The following MACC1 variants were observed in gnomAD, a reference collection of about 807,000 sequenced individuals.
MACC1 encodes MET transcriptional regulator MACC1, also known as metastasis-associated in colon cancer protein 1.
In MACC1, 79 loss-of-function variants were observed where a neutral mutation model predicts 70.7. That is an observed-to-expected ratio of 1.12 (90% confidence interval 0.93 to 1.35). The LOEUF (loss-of-function observed/expected upper bound fraction) is 1.35. Ranked by LOEUF, MACC1 falls within the 40% of genes most tolerant of loss-of-function variation. The pLI is 0.00. For missense variants in MACC1, 1,106 were observed against 978.1 expected (o/e 1.13, Z -1.74); for synonymous variants, 361 against 347.2 (o/e 1.04, Z -0.44).
At chr7:20,199,157 C>A (rs1782798467) in intron 1 of MACC1, among the ~76,000 whole-genome samples, 1 of 152,202 alleles carries the variant, frequency 6.6e-6, no homozygotes, top group South Asian at 2.1e-4. Flanking sequence ...AGGAGAAAAG[C>A]AGCCAATGTT....
intron 5 of MACC1, among the ~76,000 whole-genome samples, chr7:20,157,438 G>A (rs1782070378): frequency 6.6e-6 from 1 of 151,766 alleles, no homozygotes; most frequent in African/African-American, 2.4e-5. Context: ...AGGCTGTAAT[G>A]CATTGTATAC....
chr7:20,203,853 T>C (rs941710946), intron 1 of MACC1, among the ~76,000 whole-genome samples: 7 of 152,138 alleles, frequency 4.6e-5, no homozygotes, highest in Non-Finnish European at 7.3e-5. Context: ...AAAATGATCA[T>C]TGTGGCTCTG....
At chr7:20,188,666 C>G (rs1235022111) in intron 1 of MACC1, among the ~76,000 whole-genome samples, 1 of 152,028 alleles carries the variant, frequency 6.6e-6, no homozygotes, top group Non-Finnish European at 1.5e-5. Context: ...TCTCTAACAC[C>G]TTCTATTAAT....
intron 2 of MACC1, among the ~76,000 whole-genome samples, chr7:20,169,758 G>A (rs989835618): frequency 6.6e-6 from 1 of 152,146 alleles, no homozygotes; most frequent in Non-Finnish European, 1.5e-5. Context: ...CTTATCATCT[G>A]TAAAGAACTA....
chr7:20,213,040 C>T (rs1178757211), intron 1 of MACC1, among the ~76,000 whole-genome samples: 1 of 152,132 alleles, frequency 6.6e-6, no homozygotes, highest in African/African-American at 2.4e-5. Flanking sequence ...CCACCTTGGT[C>T]GACTTGACAT....
intron 1 of MACC1, among the ~76,000 whole-genome samples, chr7:20,190,761 T>A (rs982086569): frequency 1.3e-5 from 2 of 152,250 alleles, no homozygotes; most frequent in Non-Finnish European, 2.9e-5. Context: ...CTGTGAACTG[T>A]TAATGACAGA....
chr7:20,145,808 T>G (rs187953265), intron 6 of MACC1, among the ~76,000 whole-genome samples: 31 of 152,336 alleles, frequency 2.0e-4, no homozygotes, highest in Admixed American at 5.2e-4. Flanking sequence ...TCAAGACTTA[T>G]GTACTTAATA....
chr7:20,165,532 T>G (rs1225341734), intron 2 of MACC1, among the ~76,000 whole-genome samples: 3 of 89,092 alleles, frequency 3.4e-5, no homozygotes, highest in East Asian at 8.7e-4. Context: ...AGAGGTGGTA[T>G]AGGGGAAAAA....
At chr7:20,186,717 A>G (rs1340538347) in intron 1 of MACC1, among the ~76,000 whole-genome samples, 1 of 152,146 alleles carries the variant, frequency 6.6e-6, no homozygotes, top group Non-Finnish European at 1.5e-5. Flanking sequence ...AATATAAATA[A>G]CACTTTTTGA....
chr7:20,148,149 G>T (rs913424854), intron 6 of MACC1, among the ~76,000 whole-genome samples: 1 of 150,628 alleles, frequency 6.6e-6, no homozygotes, highest in Non-Finnish European at 1.5e-5. Flanking sequence ...TTAGGCCCTT[G>T]CTTTCCCCTT....
chr7:20,151,805 A>T (rs552932511), intron 6 of MACC1, among the ~76,000 whole-genome samples: 1 of 152,282 alleles, frequency 6.6e-6, no homozygotes, highest in Admixed American at 6.5e-5. Flanking sequence ...GAGGACAAAT[A>T]AAAAATGAAA....
chr7:20,141,124 G>A lies in MACC1; in HGVS notation c.2381C>T (p.Thr794Ile), dbSNP rs765388914. The A allele has an allele frequency of 3.7e-6, 6 of 1,607,680 alleles. No homozygotes were observed. In the Admixed American group the frequency reaches 6.8e-5, roughly 18 times the overall value. Residue 794 changes from threonine (T) to isoleucine (I), a missense_variant, in exon 7 of 7, where the codon ACC becomes ATC. Physicochemically the swap from Thr to Ile is moderately conservative, Grantham distance 89. Transcript: ENST00000400331. ...GTTATTTCCATAGTGAGCACTCCAGGTATACAGAAAATCATAGGCAGGTTT... is the reference window on the plus strand; with the variant it reads ...GTTATTTCCATAGTGAGCACTCCAGATATACAGAAAATCATAGGCAGGTTT... ...MWKPAYDFLY[T>I]WSAHYGNNYR...
At chr7:20,151,397 T>G (rs1364793788) in intron 6 of MACC1, among the ~76,000 whole-genome samples, 1 of 152,228 alleles carries the variant, frequency 6.6e-6, no homozygotes, top group East Asian at 1.9e-4. Flanking sequence ...TTCACTAACT[T>G]TCACGGAAGA....
rs1019924780 is a variant in MACC1 at position 20,160,132 on chromosome 7, A to T, written c.229T>A (p.Phe77Ile). The T allele has an allele frequency of 6.2e-7, 1 of 1,613,458 alleles. No homozygotes were observed. Among genetic ancestry groups the T allele is most frequent in the African/African-American group, 1.3e-5 (1 of 74,894 alleles). The change falls in exon 5 of 7, where the codon TTT (phenylalanine) becomes ATT (isoleucine). Residue 77 changes from phenylalanine (F) to isoleucine (I), a missense_variant. Physicochemically the swap from Phe to Ile is conservative, Grantham distance 21. Coordinates refer to ENST00000400331, the MANE Select transcript of MACC1 (RefSeq NM_182762.4). Reference protein sequence around the residue: ...FWNQLSASNPFLDDITQLRNN... With the variant: ...FWNQLSASNPILDDITQLRNN... ...CTTAGTTGAGTTATGTCATCCAAAA[A>T]TGGGTTAGAAGCAGACAGTTGATTC...
At chr7:20,160,587 A>C (rs2128102984) in intron 4 of MACC1, among the ~76,000 whole-genome samples, 1 of 152,234 alleles carries the variant, frequency 6.6e-6, no homozygotes, top group African/African-American at 2.4e-5. Context: ...CTTATGCTTT[A>C]TTATTTTATG....
Position 20,159,658 on chromosome 7 carries a change from G to A in MACC1, c.703C>T (p.His235Tyr). The A allele has an allele frequency of 3.7e-6, 6 of 1,614,160 alleles. No homozygotes were observed. Among genetic ancestry groups the A allele is most frequent in the Non-Finnish European group, 5.1e-6 (6 of 1,180,030 alleles). The change falls in exon 5 of 7, where the codon CAT becomes TAT. Residue 235 changes from histidine to tyrosine, a missense_variant. Transcript: ENST00000400331. ...ACAGCCACATGACCTTGGGGCACAT[G>A]AACAGTGATGTCTGATTCAGGTAAT... The part of the protein sequence containing the change: ...VQLPESDITV[H>Y]VPQGHVAVGE...
intron 1 of MACC1, among the ~76,000 whole-genome samples, chr7:20,188,836 T>C (rs1209096652): frequency 1.3e-5 from 2 of 152,230 alleles, no homozygotes; most frequent in Admixed American, 6.5e-5. Flanking sequence ...TCAGATTATA[T>C]TACTTGGGTC....
At chr7:20,192,774 TAA>T (rs1333855780) in intron 1 of MACC1, among the ~76,000 whole-genome samples, 2 of 152,244 alleles carry the variant, frequency 1.3e-5, no homozygotes, top group African/African-American at 4.8e-5. Flanking sequence ...ACATTAAATG[TAA>T]CCAGATTAAG....
intron 1 of MACC1, among the ~76,000 whole-genome samples, chr7:20,201,328 G>A (rs1346636656): frequency 6.6e-6 from 1 of 152,180 alleles, no homozygotes; most frequent in African/African-American, 2.4e-5. Flanking sequence ...AGTGAAATTT[G>A]TAGGGAGAAG....
Sources: gnomAD v4.1 joint callset for allele counts (sites outside exome capture counted in the v4.1 genomes callset) on GRCh38, gnomAD v4.1.1 for gene constraint, MANE v1.5 for transcripts, NCBI Gene and HGNC (gene_info 2026-07-23, HGNC 2026-07-21) for gene names.